CALD1: variants seen among roughly 807,000 people sequenced by gnomAD.
CALD1 encodes caldesmon.
In CALD1, 33 loss-of-function variants were observed where a neutral mutation model predicts 99.9. The ratio of observed to expected loss-of-function variants is 0.33; its 90% CI spans 0.25 to 0.44. The LOEUF is 0.44. CALD1 is among the 20% of genes least tolerant of loss of function. The pLI is 1.00. For synonymous variants in CALD1, 310 were observed against 325.0 expected, an observed-to-expected ratio of 0.95 and a Z score of 0.50; for missense variants, 861 against 962.1, an observed-to-expected ratio of 0.89 and a Z score of 1.39.
chr7:134,780,382 G>GCA (rs144186897), intron 1 of CALD1, among the ~76,000 whole-genome samples: 6,994 of 152,234 alleles, frequency 0.046, 425 homozygotes, highest in African/African-American at 0.14. Flanking sequence ...GCCTAGGCTG[G>GCA]TCTGTTTCCT....
At chr7:134,883,384 T>G (rs1267625407) in intron 3 of CALD1, among the ~76,000 whole-genome samples, 1 of 152,196 alleles carries the variant, frequency 6.6e-6, no homozygotes, top group African/African-American at 2.4e-5. Context: ...TTTTATCTTT[T>G]GTTGTTGTTG....
chr7:134,873,199 CAAAACAAAA>C (rs1178849765), intron 3 of CALD1, among the ~76,000 whole-genome samples: 2 of 124,060 alleles, frequency 1.6e-5, no homozygotes, highest in Non-Finnish European at 3.4e-5. Flanking sequence ...AACAAACAAA[CAAAACAAAA>C]AAAACCCAAA....
chr7:134,930,566 A>T (rs1250954058), intron 4 of CALD1, among the ~76,000 whole-genome samples: 1 of 152,198 alleles, frequency 6.6e-6, no homozygotes, highest in African/African-American at 2.4e-5. Flanking sequence ...GTTGGCCGGT[A>T]GCACAATATT....
At chr7:134,932,268 T>C (rs1805578041) in intron 4 of CALD1, among the ~76,000 whole-genome samples, 1 of 152,164 alleles carries the variant, frequency 6.6e-6, no homozygotes, top group Admixed American at 6.5e-5. Context: ...AGATGTCTCT[T>C]CCATTGGGGT....
intron 2 of CALD1, among the ~76,000 whole-genome samples, chr7:134,846,751 C>T (rs150683834): frequency 3.9e-4 from 60 of 152,278 alleles, no homozygotes; most frequent in Non-Finnish European, 6.3e-4. Context: ...CCCCTCCTCA[C>T]CCAATTGTTT....
At chr7:134,757,137 T>C (rs916122637) in intron 1 of CALD1, among the ~76,000 whole-genome samples, 10 of 152,054 alleles carry the variant, frequency 6.6e-5, no homozygotes, top group African/African-American at 2.4e-4. Flanking sequence ...ACTTAGTTGT[T>C]TAGTTATTGG....
chr7:134,726,964 T>C, the CALD1 span, among the ~76,000 whole-genome samples: 1 of 152,220 alleles, frequency 6.6e-6, no homozygotes, highest in Non-Finnish European at 1.5e-5. Context: ...TTGTTGGCAG[T>C]ACTGCCGCCA....
chr7:134,776,288 T>G (rs557683637), upstream of CALD1, among the ~76,000 whole-genome samples: 27 of 152,316 alleles, frequency 1.8e-4, no homozygotes, highest in South Asian at 5.6e-3. Flanking sequence ...CTCATTATGT[T>G]TAAAAAGATT....
chr7:134,841,985 A>G (rs1799669999), intron 1 of CALD1, among the ~76,000 whole-genome samples: 1 of 152,162 alleles, frequency 6.6e-6, no homozygotes, highest in Non-Finnish European at 1.5e-5. Context: ...CTTTTCAGAG[A>G]GACTATCCCT....
intron 3 of CALD1, among the ~76,000 whole-genome samples, chr7:134,869,061 T>G (rs1392985920): frequency 6.6e-6 from 1 of 152,016 alleles, no homozygotes; most frequent in South Asian, 2.1e-4. Context: ...AAACAAGAAA[T>G]AGCATAGCAG....
chr7:134,823,199 T>C (rs1798851116), intron 1 of CALD1, among the ~76,000 whole-genome samples: 1 of 152,114 alleles, frequency 6.6e-6, no homozygotes. Flanking sequence ...GCCAAACAAG[T>C]AGCTAAGGCC....
chr7:134,734,529 A>T, the CALD1 span, among the ~76,000 whole-genome samples: 10 of 152,080 alleles, frequency 6.6e-5, no homozygotes, highest in Admixed American at 6.5e-4. Flanking sequence ...TGATTTGTCT[A>T]TGTCGCCACC....
At chr7:134,908,021 T>C (rs1262480964) in intron 3 of CALD1, among the ~76,000 whole-genome samples, 3 of 152,220 alleles carry the variant, frequency 2.0e-5, no homozygotes, top group Admixed American at 2.0e-4. Flanking sequence ...TAGAACAGAC[T>C]GCTAAGAATT....
intron 3 of CALD1, among the ~76,000 whole-genome samples, chr7:134,880,378 G>A (rs562595511): frequency 1.8e-4 from 27 of 152,272 alleles, no homozygotes; most frequent in African/African-American, 6.3e-4. Flanking sequence ...AAGGTTTTCT[G>A]GAGGTGGGGG....
intron 3 of CALD1, among the ~76,000 whole-genome samples, chr7:134,890,198 C>T (rs2132495110): frequency 6.6e-6 from 1 of 152,316 alleles, no homozygotes; most frequent in Non-Finnish European, 1.5e-5. Context: ...AGCCACCTCG[C>T]CTGGCCTATA....
intron 8 of CALD1, among the ~76,000 whole-genome samples, chr7:134,949,958 C>A (rs1207477849): frequency 6.6e-6 from 1 of 151,726 alleles, no homozygotes; most frequent in Non-Finnish European, 1.5e-5. Flanking sequence ...AGAAAGTTTA[C>A]GAATTTGTGT....
intron 1 of CALD1, among the ~76,000 whole-genome samples, chr7:134,814,425 G>A (rs1798479126): frequency 6.6e-6 from 1 of 152,188 alleles, no homozygotes; most frequent in African/African-American, 2.4e-5. Flanking sequence ...TGGGGGTCTT[G>A]CAGAATGTAA....
chr7:134,950,409 G>A lies in CALD1; in HGVS notation c.1830G>A (p.Arg610=), dbSNP rs751734611. ...GGAGGCTAAAGGAAGAGATTGAAAGGCGAAGAGCAGAAGCTGCTGAGAAAC... is the reference window on the plus strand; with the variant it reads ...GGAGGCTAAAGGAAGAGATTGAAAGACGAAGAGCAGAAGCTGCTGAGAAAC... ...EKRRLKEEIE[R]RRAEAAEKRQ... Residue 610 remains arginine (R), a synonymous_variant, in exon 9 of 15, where the codon AGG becomes AGA. Transcript: ENST00000361675. 6.8e-6 allele frequency: 11 copies of A among 1,614,024 alleles called. No homozygotes were observed. The highest frequency in any genetic ancestry group is 6.7e-5 in the Admixed American group (4 of 60,012).
chr7:134,931,203 G>A (rs1187753010), intron 4 of CALD1, among the ~76,000 whole-genome samples: 1 of 151,948 alleles, frequency 6.6e-6, no homozygotes, highest in African/African-American at 2.4e-5. Flanking sequence ...AACTCTAACT[G>A]GCATTTGATA....
Sources: allele counts gnomAD v4.1 joint callset (sites outside exome capture counted in the v4.1 genomes callset), GRCh38; gene constraint gnomAD v4.1.1; transcripts MANE v1.5; gene names NCBI Gene and HGNC (gene_info 2026-07-23, HGNC 2026-07-21).